The following KDM2B variants were observed in gnomAD, a reference collection of about 807,000 sequenced individuals.
The protein encoded by KDM2B is lysine demethylase 2B, also known as lysine-specific demethylase 2B.
In KDM2B, 26 loss-of-function variants were observed where a neutral mutation model predicts 150.0. The observed-to-expected ratio is 0.17, with a 90% confidence interval of 0.13 to 0.24. The LOEUF (loss-of-function observed/expected upper bound fraction) is 0.24. Among genes scored for constraint, KDM2B ranks in the 10% least tolerant of loss-of-function variants. The pLI, the probability that KDM2B is intolerant of heterozygous loss-of-function variation, is 1.00. For missense variants in KDM2B, 1,265 were observed against 1,816.9 expected (o/e 0.70, Z 5.52); for synonymous variants, 734 against 729.5 (o/e 1.01, Z -0.10).
intron 9 of KDM2B, chr12:121,516,573 GC>G: frequency 7.1e-7 from 1 of 1,417,850 alleles, no homozygotes; most frequent in Non-Finnish European, 9.3e-7. Flanking sequence ...CAGACTCGGA[GC>G]CTCACCAAAT....
rs1355097384 is a variant in KDM2B at position 121,575,271 on chromosome 12, A to G, written c.350+510T>C. On this transcript the variant is annotated intron_variant, in intron 3 of 22. Coordinates refer to ENST00000377071, the MANE Select transcript of KDM2B (RefSeq NM_032590.5). The surrounding 1 kb of genome is among the most constrained non-coding windows in gnomAD (Gnocchi z 4.4). Reference sequence around the variant, plus strand: ...GCCTGCCTCCCAGACCTCTCCCCCAACCTGGAGCTCTGACAGATCTCAGTG... The same window carrying G: ...GCCTGCCTCCCAGACCTCTCCCCCAGCCTGGAGCTCTGACAGATCTCAGTG... Among the ~76,000 whole-genome samples the G allele has an allele frequency of 6.6e-6, 1 of 152,168 alleles. No homozygotes were observed. The highest frequency in any genetic ancestry group is 2.4e-5 in the African/African-American group (1 of 41,428).
intron 12 of KDM2B, among the ~76,000 whole-genome samples, chr12:121,483,328 G>A (rs1882367002): frequency 6.6e-6 from 1 of 151,936 alleles, no homozygotes; most frequent in African/African-American, 2.4e-5. Flanking sequence ...AGATGCTAGT[G>A]GAGGCTCCGT....
chr12:121,413,099 C>G, the KDM2B span, among the ~76,000 whole-genome samples: 1 of 151,300 alleles, frequency 6.6e-6, no homozygotes. Flanking sequence ...GATCTAGGCT[C>G]ACTGCAACCT....
At chr12:121,539,826 A>G (rs1191000640) in intron 6 of KDM2B, among the ~76,000 whole-genome samples, 1 of 152,048 alleles carries the variant, frequency 6.6e-6, no homozygotes, top group African/African-American at 2.4e-5. Context: ...TGCAACCTCC[A>G]ACTCCCGAGT....
downstream of KDM2B, among the ~76,000 whole-genome samples, chr12:121,427,073 C>A (rs1251787462): frequency 6.6e-6 from 1 of 152,170 alleles, no homozygotes; most frequent in Non-Finnish European, 1.5e-5. Context: ...ACATCAGATT[C>A]CCTAGAGGAA....
At chr12:121,527,505 T>G (rs536699536) in intron 8 of KDM2B, among the ~76,000 whole-genome samples, 84 of 150,330 alleles carry the variant, frequency 5.6e-4, no homozygotes, top group Non-Finnish European at 8.9e-4. Context: ...ACAAAAAAAG[T>G]TAGCCGGGCA....
intron 4 of KDM2B, among the ~76,000 whole-genome samples, chr12:121,561,211 A>T (rs1479851811): frequency 6.6e-6 from 1 of 152,144 alleles, no homozygotes; most frequent in East Asian, 1.9e-4. Context: ...GGCTGCTGAA[A>T]GTCATCTTGA....
intron 19 of KDM2B, among the ~76,000 whole-genome samples, chr12:121,441,815 T>C (rs1435834509): frequency 6.6e-6 from 1 of 152,180 alleles, no homozygotes; most frequent in East Asian, 1.9e-4. Flanking sequence ...TGCCCGTTCA[T>C]CCAAGAGGGT....
chr12:121,426,006 A>G (rs1009491254), downstream of KDM2B, among the ~76,000 whole-genome samples: 2 of 151,934 alleles, frequency 1.3e-5, no homozygotes, highest in Admixed American at 6.6e-5. Context: ...TGACCTCATG[A>G]TCCACCCGCC....
chr12:121,567,821 C>T (rs1301441921), intron 4 of KDM2B, among the ~76,000 whole-genome samples: 2 of 151,542 alleles, frequency 1.3e-5, no homozygotes, highest in South Asian at 2.1e-4. Context: ...AGCCATTCTC[C>T]GGGTTCAAGC....
intron 4 of KDM2B, among the ~76,000 whole-genome samples, chr12:121,557,174 G>A (rs138457822): frequency 3.2e-3 from 482 of 151,556 alleles, no homozygotes; most frequent in Admixed American, 6.0e-3. Flanking sequence ...CTTTGCTGAC[G>A]TGATCAAGCT....
In KDM2B at chr12:121,580,895, A is replaced by T. The variant is rs373065663; in HGVS notation, c.17T>A (p.Met6Lys). 6.2e-7 allele frequency: 1 copy of T among 1,613,576 alleles called. No homozygotes were observed. Among genetic ancestry groups the T allele is most frequent in the Non-Finnish European group, 8.5e-7 (1 of 1,179,760 alleles). The change falls in exon 1 of 23, where the codon ATG (methionine) becomes AAG (lysine). Residue 6 changes from methionine (M) to lysine (K), a missense_variant. Coordinates refer to ENST00000377071, the MANE Select transcript of KDM2B (RefSeq NM_032590.5). ...GGGGTGATCCTCTGCAGATCCCCCCATTTGCGGACCCGCCATGTGGAGGAG... is the reference window on the plus strand; with the variant it reads ...GGGGTGATCCTCTGCAGATCCCCCCTTTTGCGGACCCGCCATGTGGAGGAG... The part of the protein sequence containing the change: MAGPQ[M>K]GGSAEDHPPR...
At chr12:121,479,215 CA>C (rs1373756155) in intron 12 of KDM2B, among the ~76,000 whole-genome samples, 1 of 151,792 alleles carries the variant, frequency 6.6e-6, no homozygotes, top group Non-Finnish European at 1.5e-5. Flanking sequence ...TTTGGGAGGC[CA>C]AGGCGGGCGG....
chr12:121,428,059 A>G (rs1255550299), downstream of KDM2B, among the ~76,000 whole-genome samples: 1 of 152,240 alleles, frequency 6.6e-6, no homozygotes, highest in Non-Finnish European at 1.5e-5. Flanking sequence ...TACAAAAGAA[A>G]GTCACATTTT....
At chr12:121,560,759 G>A (rs77144655) in intron 4 of KDM2B, among the ~76,000 whole-genome samples, 4,042 of 152,214 alleles carry the variant, frequency 0.027, 165 homozygotes, top group East Asian at 0.11. Flanking sequence ...AGGGAACCAG[G>A]CACACAGGCT....
At chr12:121,528,634 A>C (rs534386041) in intron 8 of KDM2B, among the ~76,000 whole-genome samples, 45 of 152,318 alleles carry the variant, frequency 3.0e-4, no homozygotes, top group African/African-American at 9.9e-4. Context: ...GCTGAATTCT[A>C]TCAGACATTC....
intron 11 of KDM2B, among the ~76,000 whole-genome samples, chr12:121,501,092 T>G (rs868980045): frequency 6.6e-6 from 1 of 152,026 alleles, no homozygotes; most frequent in Middle Eastern, 3.4e-3. Flanking sequence ...CAGAGCAAGA[T>G]TCCATCTCAA....
At chr12:121,580,214 C>A in intron 1 of KDM2B, 1 of 1,443,528 alleles carries the variant, frequency 6.9e-7, no homozygotes. Flanking sequence ...TTAGGCAGAT[C>A]CGTTTGCAAA....
In KDM2B at chr12:121,520,437, C is replaced by G. The variant is rs888333089; in HGVS notation, c.1047+548G>C. Among the ~76,000 whole-genome samples, 1 of 152,094 alleles carries G rather than the reference C, an allele frequency of 6.6e-6. No homozygotes were observed. Among genetic ancestry groups the G allele is most frequent in the African/African-American group, 2.4e-5 (1 of 41,398 alleles). On this transcript the variant is annotated intron_variant, in intron 9 of 22. Coordinates refer to ENST00000377071, the MANE Select transcript of KDM2B (RefSeq NM_032590.5). The surrounding 1 kb of genome is among the most constrained non-coding windows in gnomAD (Gnocchi z 4.5). Reference sequence around the variant, plus strand: ...CCCTGTCAAGGGCAGAGAAAAGCCTCGGCCCCAGGAAACTAGAGACGTCCT... The same window carrying G: ...CCCTGTCAAGGGCAGAGAAAAGCCTGGGCCCCAGGAAACTAGAGACGTCCT...
Sources: allele counts gnomAD v4.1 joint callset (sites outside exome capture counted in the v4.1 genomes callset), GRCh38; gene constraint gnomAD v4.1.1; non-coding constraint Gnocchi (gnomAD v3.1); transcripts MANE v1.5; gene names NCBI Gene and HGNC (gene_info 2026-07-23, HGNC 2026-07-21).